BEND3: variants seen among roughly 807,000 people sequenced by gnomAD.
BEND3 encodes BEN domain containing 3, also known as BEN domain-containing protein 3.
BEND3 carries 13 observed loss-of-function variants against 60.1 expected under a neutral mutation model. That is an observed-to-expected ratio of 0.22 (90% CI 0.14 to 0.34). The LOEUF (loss-of-function observed/expected upper bound fraction) is 0.34, where lower values mean the gene tolerates loss of function less well. Among genes scored for constraint, BEND3 ranks in the 10% least tolerant of loss-of-function variants. BEND3 has a pLI of 1.00. For synonymous variants in BEND3, 497 were observed against 491.5 expected, an observed-to-expected ratio of 1.01 and a Z score of -0.15; for missense variants, 896 against 1,138.1, an observed-to-expected ratio of 0.79 and a Z score of 3.06.
At position 107,106,853 on chromosome 6, in the gene BEND3, C is replaced by A. The variant is rs572058895; in HGVS notation, c.-11-7557G>T. ...AAACTCCGGGCTTCCAGCAACCCTC[C>A]GGCCTCAGCCTCCCAAAGTGCTGGG... is the stretch of plus-strand genomic sequence containing the variant. On this transcript the variant is annotated intron_variant, in intron 1 of 3. Transcript: ENST00000369042. 3.9e-5 allele frequency among the ~76,000 whole-genome samples: 6 copies of A among 152,262 alleles called. No individual in the cohort carries two copies. In the East Asian group the frequency reaches 1.2e-3, roughly 29 times the overall value.
intron 3 of BEND3, among the ~76,000 whole-genome samples, chr6:107,078,044 C>T (rs547002589): frequency 2.9e-4 from 44 of 152,338 alleles, no homozygotes; most frequent in African/African-American, 1.0e-3. Context: ...AAAACTTTGG[C>T]TATGCACCTC....
Position 107,067,628 on chromosome 6 carries a change from G to A in BEND3, c.*1076C>T, listed in dbSNP as rs1774860748. On this transcript the variant is annotated 3_prime_UTR_variant, in exon 4 of 4. Coordinates refer to ENST00000369042, the MANE Select transcript of BEND3 (RefSeq NM_001367314.1). Reference sequence around the variant, plus strand: ...CTTCCAATGCATGGTATCCCCAAGAGGGGCCCAGACCTGGGCCCGCCCTGA... The same window carrying A: ...CTTCCAATGCATGGTATCCCCAAGAAGGGCCCAGACCTGGGCCCGCCCTGA... 1 of 152,320 alleles carries A rather than the reference G, an allele frequency of 6.6e-6. No individual in the cohort carries two copies. The highest frequency in any genetic ancestry group is 2.1e-4 in the South Asian group (1 of 4,834). The allele number at this position is 152,320 out of a possible 1,614,324, so 9.4% of individuals were successfully genotyped here.
chr6:107,096,388 A>C (rs1269528272), intron 3 of BEND3, among the ~76,000 whole-genome samples: 1 of 152,176 alleles, frequency 6.6e-6, no homozygotes, highest in Non-Finnish European at 1.5e-5. Flanking sequence ...GAGGCGAGTG[A>C]ATTACGTGAG....
chr6:107,099,318 A>T (rs2115028143), intron 1 of BEND3, 22 bp from the exon 2 acceptor site: 1 of 1,586,252 alleles, frequency 6.3e-7, no homozygotes, highest in East Asian at 2.2e-5. Context: ...GACAAAGACA[A>T]TGTGTTGACT....
intron 3 of BEND3, among the ~76,000 whole-genome samples, chr6:107,077,658 T>G (rs1554232924): frequency 6.6e-6 from 1 of 152,154 alleles, no homozygotes; most frequent in Non-Finnish European, 1.5e-5. Context: ...CACCTAAGGC[T>G]TCTCATGCAT....
Position 107,069,843 on chromosome 6 carries a change from T to A in BEND3, c.1348A>T (p.Ile450Phe), listed in dbSNP as rs140588739. The A allele has an allele frequency of 3.7e-6, 6 of 1,613,162 alleles. No individual in the cohort carries two copies. The highest frequency in any genetic ancestry group is 5.1e-6 in the Non-Finnish European group (6 of 1,179,886). The change falls in exon 4 of 4, where the codon ATC becomes TTC. Residue 450 changes from isoleucine (I) to phenylalanine (F), a missense_variant. Physicochemically the swap from Ile to Phe is conservative, Grantham distance 21. Coordinates refer to ENST00000369042, the MANE Select transcript of BEND3 (RefSeq NM_001367314.1). ...KQELDPQRLQ[I>F]IRNYTEIYFP... Reference sequence around the variant, plus strand: ...TAGATCTCCGTGTAGTTGCGGATGATCTGCAGCCGCTGCGGGTCCAGCTCC... The same window carrying A: ...TAGATCTCCGTGTAGTTGCGGATGAACTGCAGCCGCTGCGGGTCCAGCTCC...
intron 3 of BEND3, among the ~76,000 whole-genome samples, chr6:107,074,186 C>G (rs549938037): frequency 9.2e-5 from 14 of 151,984 alleles, no homozygotes; most frequent in African/African-American, 3.4e-4. Flanking sequence ...GAGGCCGAGG[C>G]GGGTGGATCA....
intron 1 of BEND3, among the ~76,000 whole-genome samples, chr6:107,106,715 T>C (rs1331828767): frequency 2.0e-5 from 3 of 152,114 alleles, no homozygotes; most frequent in Non-Finnish European, 2.9e-5. Context: ...GCTCAGATGA[T>C]TCTCCCATCT....
intron 3 of BEND3, among the ~76,000 whole-genome samples, chr6:107,087,057 A>T (rs1302950021): frequency 6.6e-6 from 1 of 150,384 alleles, no homozygotes; most frequent in Non-Finnish European, 1.5e-5. Context: ...AGAAAAAAAA[A>T]CTACAAGCCT....
At chr6:107,074,073 G>A (rs1238761966) in intron 3 of BEND3, among the ~76,000 whole-genome samples, 1 of 152,138 alleles carries the variant, frequency 6.6e-6, no homozygotes, top group African/African-American at 2.4e-5. Context: ...GATTTAAGGA[G>A]ACAGTGCACA....
At position 107,069,244 on chromosome 6, in the gene BEND3, C is replaced by A; in HGVS notation, c.1947G>T (p.Glu649Asp). 6.2e-7 allele frequency: 1 copy of A among 1,611,726 alleles called. No homozygotes were observed. Among genetic ancestry groups the A allele is most frequent in the Admixed American group, 1.7e-5 (1 of 59,798 alleles). Residue 649 changes from glutamate (E) to aspartate (D), a missense_variant, in exon 4 of 4, where the codon GAG becomes GAT. Transcript: ENST00000369042. ...LDERCRRRDTEQRRSYQQQRK... is the reference protein window; with the variant it reads ...LDERCRRRDTDQRRSYQQQRK... Reference sequence around the variant, plus strand: ...GCTGCTGCTGGTAGGAGCGCCTTTGCTCCGTGTCCCGGCGCCGGCAGCGCT... The same window carrying A: ...GCTGCTGCTGGTAGGAGCGCCTTTGATCCGTGTCCCGGCGCCGGCAGCGCT...
chr6:107,067,250 T>TA lies in BEND3; in HGVS notation c.*1453dup, dbSNP rs1774851691. 6.6e-6 allele frequency: 1 copy of TA among 152,244 alleles called. No homozygotes were observed. The highest frequency in any genetic ancestry group is 1.5e-5 in the Non-Finnish European group (1 of 68,044). The allele number at this position is 152,244 out of a possible 1,614,324, so 9.4% of individuals were successfully genotyped here. ...ATATTAAGCCATCCCACAGGGGTTC[T>TA]ATGACTACCCTGTGTGATTCAATAA... On this transcript the variant is annotated 3_prime_UTR_variant, in exon 4 of 4. Transcript: ENST00000369042.
intron 1 of BEND3, among the ~76,000 whole-genome samples, chr6:107,108,977 G>C (rs1408843424): frequency 1.3e-5 from 2 of 151,668 alleles, no homozygotes; most frequent in African/African-American, 4.8e-5. Flanking sequence ...GCTAATTTTT[G>C]TATTTTTCAC....
chr6:107,079,057 G>A (rs1775167415), intron 3 of BEND3, among the ~76,000 whole-genome samples: 1 of 152,072 alleles, frequency 6.6e-6, no homozygotes, highest in Non-Finnish European at 1.5e-5. Context: ...GTCCAGAGGA[G>A]CGGATCAGTG....
At chr6:107,075,778 C>T (rs1327759861) in intron 3 of BEND3, among the ~76,000 whole-genome samples, 1 of 152,050 alleles carries the variant, frequency 6.6e-6, no homozygotes, top group Non-Finnish European at 1.5e-5. Context: ...GGGAGACTTG[C>T]CCAGGGGAGA....
intron 3 of BEND3, among the ~76,000 whole-genome samples, chr6:107,072,907 G>T (rs1554232254): frequency 6.6e-6 from 1 of 152,060 alleles, no homozygotes; most frequent in African/African-American, 2.4e-5. Flanking sequence ...AGGATAACTT[G>T]AGCCTGGGAG....
intron 1 of BEND3, among the ~76,000 whole-genome samples, chr6:107,101,170 C>T (rs1554236717): frequency 1.3e-5 from 2 of 152,132 alleles, no homozygotes. Context: ...CCACTATACC[C>T]CAGCCTGGGT....
intron 1 of BEND3, among the ~76,000 whole-genome samples, chr6:107,099,920 A>G (rs1775670242): frequency 6.6e-6 from 1 of 151,470 alleles, no homozygotes; most frequent in African/African-American, 2.4e-5. Flanking sequence ...CCCTGGCTGG[A>G]GTACAGTAGC....
rs111247897 is a variant in BEND3 at position 107,098,049 on chromosome 6, C to T, written c.240+502G>A. On this transcript the variant is annotated intron_variant, in intron 3 of 3. Coordinates refer to ENST00000369042, the MANE Select transcript of BEND3 (RefSeq NM_001367314.1). ...AGTTGGCTGTGCACTATGGCTCACG[C>T]CTGTAATCCCAGCACTTTGGGAGGC... Among the ~76,000 whole-genome samples, 449 of 152,232 alleles carry T rather than the reference C, an allele frequency of 2.9e-3. 2 individuals carry two copies. Among genetic ancestry groups the T allele is most frequent in the African/African-American group, 9.8e-3 (407 of 41,532 alleles).
Sources: gnomAD v4.1 joint callset for allele counts (sites outside exome capture counted in the v4.1 genomes callset) on GRCh38, gnomAD v4.1.1 for gene constraint, MANE v1.5 for transcripts, NCBI Gene and HGNC (gene_info 2026-07-23, HGNC 2026-07-21) for gene names.